The following FRMD3 variants were observed in gnomAD, a reference collection of about 807,000 sequenced individuals.
FRMD3 encodes FERM domain-containing protein 3.
In FRMD3, 33 loss-of-function variants were observed where a neutral mutation model predicts 70.2. The observed-to-expected ratio is 0.47, with a 90% confidence interval of 0.36 to 0.63. The LOEUF (loss-of-function observed/expected upper bound fraction) is 0.63. Among genes scored for constraint, FRMD3 ranks in the 20% least tolerant of loss-of-function variants. FRMD3 has a pLI of 0.00. For missense variants in FRMD3, 632 were observed against 711.4 expected (o/e 0.89, Z 1.27); for synonymous variants, 279 against 255.9 (o/e 1.09, Z -0.86).
chr9:83,247,916 C>T lies in FRMD3; in HGVS notation c.*2G>A. The T allele has an allele frequency of 1.9e-6, 3 of 1,612,924 alleles. No homozygotes were observed. The highest frequency in any genetic ancestry group is 2.5e-6 in the Non-Finnish European group (3 of 1,179,092). ...AGCCCTTAGTCACGTGAGAGATTAA[C>T]TTCATGAGCAACCCAGCATGTAGAG... is the stretch of plus-strand genomic sequence containing the variant. On this transcript the variant is annotated 3_prime_UTR_variant, in exon 14 of 14. Transcript: ENST00000304195.
chr9:83,539,826 G>C (rs560300522), upstream of FRMD3, among the ~76,000 whole-genome samples: 1 of 152,226 alleles, frequency 6.6e-6, no homozygotes, highest in South Asian at 2.1e-4. Flanking sequence ...TAGGAGGATA[G>C]AGAATGTTTT....
chr9:83,538,472 G>A (rs1587543316), upstream of FRMD3: 2 of 346,686 alleles, frequency 5.8e-6, no homozygotes, highest in Admixed American at 4.8e-5. This position sits in a 1 kb window ranked among gnomAD's most constrained non-coding sequence, Gnocchi z 4.7. Context: ...TCTGTCGCGC[G>A]CGCTCGTGCG....
At chr9:83,255,231 C>T (rs1273805676) in intron 13 of FRMD3, among the ~76,000 whole-genome samples, 2 of 152,138 alleles carry the variant, frequency 1.3e-5, no homozygotes, top group East Asian at 1.9e-4. Flanking sequence ...TCAACATACA[C>T]AAATCAATAA....
At chr9:83,535,071 T>C (rs1183144683) in intron 1 of FRMD3, among the ~76,000 whole-genome samples, 1 of 152,228 alleles carries the variant, frequency 6.6e-6, no homozygotes, top group African/African-American at 2.4e-5. Context: ...GCTCATTCTC[T>C]TTTTAGAGAT....
chr9:83,518,715 A>G (rs7019435), intron 1 of FRMD3, among the ~76,000 whole-genome samples: 118,178 of 152,006 alleles, frequency 0.78, 46,364 homozygotes, highest in African/African-American at 0.89. Context: ...CAAAGCTGGA[A>G]GCATCACGCT....
chr9:83,314,607 C>T (rs1835492876), intron 6 of FRMD3, among the ~76,000 whole-genome samples: 1 of 151,610 alleles, frequency 6.6e-6, no homozygotes, highest in Non-Finnish European at 1.5e-5. Flanking sequence ...AGTCATCATA[C>T]CTCTAAATCA....
intron 10 of FRMD3, 140 bp downstream of exon 10, chr9:83,309,396 A>AC (rs1403452851): frequency 1.7e-6 from 1 of 586,488 alleles, no homozygotes; most frequent in Non-Finnish European, 3.0e-6. Context: ...GTCACCCTGA[A>AC]CAATGCACAA....
At chr9:83,507,100 C>T (rs1172914093) in intron 1 of FRMD3, among the ~76,000 whole-genome samples, 2 of 152,154 alleles carry the variant, frequency 1.3e-5, no homozygotes, top group Non-Finnish European at 2.9e-5. Flanking sequence ...GTGGCTCACA[C>T]CTGTAATCCC....
intron 1 of FRMD3, among the ~76,000 whole-genome samples, chr9:83,521,707 C>G (rs556554350): frequency 3.3e-4 from 51 of 152,342 alleles, no homozygotes; most frequent in African/African-American, 1.2e-3. Flanking sequence ...CCCCACTCCA[C>G]TGTCTGCACA....
chr9:83,407,271 C>G (rs965665324), intron 1 of FRMD3, among the ~76,000 whole-genome samples: 5 of 152,180 alleles, frequency 3.3e-5, no homozygotes, highest in Non-Finnish European at 5.9e-5. Flanking sequence ...ACAGTAAATA[C>G]TTGGTACAAA....
At chr9:83,270,846 T>G (rs1344171802) in intron 13 of FRMD3, among the ~76,000 whole-genome samples, 3 of 151,526 alleles carry the variant, frequency 2.0e-5, no homozygotes, top group Non-Finnish European at 4.4e-5. Flanking sequence ...CATGGTCATT[T>G]TTTTTTTTTT....
intron 1 of FRMD3, among the ~76,000 whole-genome samples, chr9:83,515,766 A>G (rs1829441311): frequency 6.6e-6 from 1 of 152,232 alleles, no homozygotes; most frequent in Non-Finnish European, 1.5e-5. Flanking sequence ...CTAACAGTGG[A>G]TTTCTTGGCA....
At chr9:83,558,596 A>T in the FRMD3 span, among the ~76,000 whole-genome samples, 4 of 152,194 alleles carry the variant, frequency 2.6e-5, no homozygotes, top group Admixed American at 6.5e-5. Context: ...ATCAAGGAGT[A>T]ATTTAGACTT....
At chr9:83,284,760 A>G (rs886316476) in intron 13 of FRMD3, among the ~76,000 whole-genome samples, 4 of 152,254 alleles carry the variant, frequency 2.6e-5, no homozygotes, top group Non-Finnish European at 5.9e-5. Context: ...TGTCTGAACC[A>G]TGACCATGGA....
intron 1 of FRMD3, among the ~76,000 whole-genome samples, chr9:83,447,633 A>C (rs1274911967): frequency 6.6e-6 from 1 of 152,222 alleles, no homozygotes; most frequent in African/African-American, 2.4e-5. Context: ...CAGGAGGTCA[A>C]GGGTCAGCCC....
At chr9:83,375,887 C>T (rs1219676765) in intron 2 of FRMD3, among the ~76,000 whole-genome samples, 6 of 152,182 alleles carry the variant, frequency 3.9e-5, no homozygotes, top group Admixed American at 3.3e-4. Flanking sequence ...AGACCGGGCG[C>T]AGTGGCTCAC....
intron 13 of FRMD3, among the ~76,000 whole-genome samples, chr9:83,273,107 C>T (rs1384145850): frequency 3.9e-5 from 6 of 152,054 alleles, no homozygotes; most frequent in Non-Finnish European, 7.4e-5. Flanking sequence ...CCCCTCTGCC[C>T]GGCTGCCACC....
At chr9:83,277,817 C>T (rs1587667653) in intron 13 of FRMD3, among the ~76,000 whole-genome samples, 3 of 152,186 alleles carry the variant, frequency 2.0e-5, no homozygotes, top group African/African-American at 7.2e-5. Flanking sequence ...TTCATTCATT[C>T]ATTTGTTCAT....
intron 1 of FRMD3, among the ~76,000 whole-genome samples, chr9:83,498,749 AAAG>A (rs1828998793): frequency 6.6e-6 from 1 of 151,954 alleles, no homozygotes; most frequent in African/African-American, 2.4e-5. Flanking sequence ...AAAAAAAAGA[AAAG>A]AAAACATATA....
Sources: allele counts gnomAD v4.1 joint callset (sites outside exome capture counted in the v4.1 genomes callset), GRCh38; gene constraint gnomAD v4.1.1; non-coding constraint Gnocchi (gnomAD v3.1); transcripts MANE v1.5; gene names NCBI Gene and HGNC (gene_info 2026-07-23, HGNC 2026-07-21).